The following MCTP2 variants were observed in gnomAD, a reference collection of about 807,000 sequenced individuals.
The protein encoded by MCTP2 is multiple C2 and transmembrane domain containing 2.
In MCTP2, 132 loss-of-function variants were observed where a neutral mutation model predicts 111.6. The observed-to-expected ratio is 1.18, with a 90% CI of 1.03 to 1.37. The LOEUF (loss-of-function observed/expected upper bound fraction) is 1.37, where lower values mean the gene tolerates loss of function less well. Ranked by LOEUF, MCTP2 falls within the 40% of genes most tolerant of loss-of-function variation. MCTP2 has a pLI of 0.00. For synonymous variants in MCTP2, 395 were observed against 387.7 expected, an observed-to-expected ratio of 1.02 and a Z score of -0.22; for missense variants, 1,183 against 1,067.9, an observed-to-expected ratio of 1.11 and a Z score of -1.50.
chr15:94,338,488 A>ATGTTTT (rs2077475819), intron 4 of MCTP2, among the ~76,000 whole-genome samples: 1 of 134,196 alleles, frequency 7.5e-6, no homozygotes, highest in African/African-American at 2.8e-5. Flanking sequence ...GTTTGCAGGC[A>ATGTTTT]TTTTTTTTTT....
intron 7 of MCTP2, chr15:94,342,632 ATATT>A (rs1461948670): frequency 6.6e-6 from 1 of 151,208 alleles, no homozygotes; most frequent in Non-Finnish European, 1.5e-5. Context: ...ACACAAATAT[ATATT>A]TGTCTCCATA....
chr15:94,333,566 G>A (rs1370296471), intron 4 of MCTP2, among the ~76,000 whole-genome samples: 7 of 152,072 alleles, frequency 4.6e-5, no homozygotes, highest in Non-Finnish European at 1.0e-4. Context: ...TTCACCATTT[G>A]TATTGGTACC....
At chr15:94,273,261 C>A (rs2074009124) in intron 1 of MCTP2, among the ~76,000 whole-genome samples, 1 of 152,144 alleles carries the variant, frequency 6.6e-6, no homozygotes, top group African/African-American at 2.4e-5. Context: ...ATATATAGAA[C>A]CCAGCAACTG....
rs1231760591 is a variant in MCTP2 at position 94,255,069 on chromosome 15, G to C, written c.-66+23405G>C. 2.0e-5 allele frequency among the ~76,000 whole-genome samples: 3 copies of C among 152,150 alleles called. No homozygotes were observed. In the East Asian group the frequency reaches 5.8e-4, roughly 29 times the overall value. ...TTAGAAGTTTTCTATTGGAAGATCAGACCTGTTCTTCTTCCTTTTCCTAAA... is the reference window on the plus strand; with the variant it reads ...TTAGAAGTTTTCTATTGGAAGATCACACCTGTTCTTCTTCCTTTTCCTAAA... On this transcript the variant is annotated intron_variant, in intron 1 of 22. Transcript: ENST00000357742.
At chr15:94,418,775 A>G (rs2082487784) in intron 17 of MCTP2, among the ~76,000 whole-genome samples, 2 of 152,156 alleles carry the variant, frequency 1.3e-5, no homozygotes, top group African/African-American at 4.8e-5. Flanking sequence ...ATTTTAATAA[A>G]TGCTTCACAT....
chr15:94,304,741 T>C (rs770488272), intron 2 of MCTP2, among the ~76,000 whole-genome samples: 2 of 152,100 alleles, frequency 1.3e-5, no homozygotes, highest in African/African-American at 4.8e-5. Flanking sequence ...TCACAATGGG[T>C]ACTGAGCCAC....
intron 14 of MCTP2, among the ~76,000 whole-genome samples, chr15:94,391,854 G>A (rs1381623719): frequency 2.0e-5 from 3 of 152,138 alleles, no homozygotes; most frequent in Non-Finnish European, 4.4e-5. Context: ...AAAGCTGGGT[G>A]AATCACACGT....
chr15:94,244,027 A>C (rs1288968260), intron 1 of MCTP2, among the ~76,000 whole-genome samples: 1 of 147,068 alleles, frequency 6.8e-6, no homozygotes, highest in Admixed American at 6.7e-5. Flanking sequence ...ACACATACGT[A>C]TGTGTATATA....
chr15:94,276,043 A>G (rs1390519840), intron 1 of MCTP2, among the ~76,000 whole-genome samples: 1 of 151,850 alleles, frequency 6.6e-6, no homozygotes, highest in Non-Finnish European at 1.5e-5. Flanking sequence ...ATGGGATTTC[A>G]CCGTGTTAGC....
intron 21 of MCTP2, among the ~76,000 whole-genome samples, chr15:94,472,162 G>A (rs1055816448): frequency 1.3e-5 from 2 of 152,216 alleles, no homozygotes; most frequent in Non-Finnish European, 2.9e-5. Context: ...CAGATCACCC[G>A]AGGTCAGGAG....
At chr15:94,247,173 C>T (rs1156999648) in intron 1 of MCTP2, among the ~76,000 whole-genome samples, 2 of 152,040 alleles carry the variant, frequency 1.3e-5, no homozygotes, top group East Asian at 3.9e-4. Context: ...GCATGTGATT[C>T]CTTTTAATTC....
intron 12 of MCTP2, among the ~76,000 whole-genome samples, chr15:94,378,066 G>A (rs944917535): frequency 1.1e-4 from 17 of 152,042 alleles, no homozygotes; most frequent in Admixed American, 3.9e-4. Flanking sequence ...ACTATTAAGG[G>A]AATGATATGA....
intron 1 of MCTP2, among the ~76,000 whole-genome samples, chr15:94,274,388 G>T (rs1389784738): frequency 1.3e-5 from 2 of 151,816 alleles, no homozygotes. Flanking sequence ...AAACCCAAAG[G>T]GTATAGGTGT....
At chr15:94,475,933 G>A (rs2074312115) in intron 21 of MCTP2, among the ~76,000 whole-genome samples, 1 of 152,094 alleles carries the variant, frequency 6.6e-6, no homozygotes, top group African/African-American at 2.4e-5. Flanking sequence ...AATTATCCTT[G>A]TCCTTGTCCT....
At chr15:94,424,984 G>C (rs1567680076) in intron 17 of MCTP2, among the ~76,000 whole-genome samples, 2 of 151,170 alleles carry the variant, frequency 1.3e-5, no homozygotes, top group African/African-American at 4.9e-5. Context: ...CATGCTGTTT[G>C]TTTTACCTTT....
intron 1 of MCTP2, among the ~76,000 whole-genome samples, chr15:94,258,192 T>C (rs904792088): frequency 7.9e-5 from 12 of 152,106 alleles, no homozygotes; most frequent in African/African-American, 2.7e-4. Context: ...TGAACATTTA[T>C]GTGCTCAAAT....
At chr15:94,308,453 C>T (rs2075983893) in intron 2 of MCTP2, among the ~76,000 whole-genome samples, 1 of 152,210 alleles carries the variant, frequency 6.6e-6, no homozygotes. Context: ...GCCGAACTCT[C>T]CAGCTTTCCT....
At chr15:94,382,497 C>T (rs2080197867) in intron 12 of MCTP2, among the ~76,000 whole-genome samples, 1 of 152,272 alleles carries the variant, frequency 6.6e-6, no homozygotes, top group South Asian at 2.1e-4. Flanking sequence ...GGCCACTAGT[C>T]AGTTGAGTGG....
intron 1 of MCTP2, among the ~76,000 whole-genome samples, chr15:94,291,185 A>G (rs1252289519): frequency 6.6e-6 from 1 of 152,268 alleles, no homozygotes; most frequent in African/African-American, 2.4e-5. Flanking sequence ...ACTTCTGGTC[A>G]TAACTGAGTT....
Sources: gnomAD v4.1 joint callset for allele counts (sites outside exome capture counted in the v4.1 genomes callset) on GRCh38, gnomAD v4.1.1 for gene constraint, MANE v1.5 for transcripts, NCBI Gene and HGNC (gene_info 2026-07-23, HGNC 2026-07-21) for gene names.